ZC3H12B: variants seen among roughly 807,000 people sequenced by gnomAD.
ZC3H12B encodes zinc finger CCCH-type containing 12B.
A neutral mutation model predicts 43.9 loss-of-function variants in ZC3H12B; 7 were observed. That is an observed-to-expected ratio of 0.16 (90% CI 0.09 to 0.30). The LOEUF (loss-of-function observed/expected upper bound fraction) is 0.30, where lower values mean the gene tolerates loss of function less well. Ranked by LOEUF, ZC3H12B falls within the 10% of genes least tolerant of loss-of-function variation. The pLI is 1.00. For synonymous variants in ZC3H12B, 222 were observed against 241.7 expected (o/e 0.92, Z 0.76); for missense variants, 475 against 670.2 (o/e 0.71, Z 3.22).
At chrX:65,378,758 T>G (rs1404386780) in intron 2 of ZC3H12B, among the ~76,000 whole-genome samples, 3 of 112,601 alleles carry the variant, frequency 2.7e-5, no homozygotes, top group African/African-American at 9.7e-5. Context: ...ATGCACCGTG[T>G]GCCTGCCAAA....
At chrX:65,169,735 A>G in the ZC3H12B span, among the ~76,000 whole-genome samples, 1 of 112,159 alleles carries the variant, frequency 8.9e-6, no homozygotes, top group Non-Finnish European at 1.9e-5. Context: ...GGGTGCATAT[A>G]TATTAAGCAT....
intron 3 of ZC3H12B, among the ~76,000 whole-genome samples, chrX:65,452,738 G>A (rs1206126563): frequency 1.8e-5 from 2 of 110,054 alleles, no homozygotes; most frequent in South Asian, 4.0e-4. Flanking sequence ...CTGCTCGGGA[G>A]GCTGAGGCAG....
intron 3 of ZC3H12B, among the ~76,000 whole-genome samples, chrX:65,450,486 TAC>T (rs1307701728): frequency 0.062 from 5 of 80 alleles, 1 homozygote; most frequent in Admixed American, 0.5. Flanking sequence ...TGTATATGTA[TAC>T]ATATGTGTAT....
the ZC3H12B span, among the ~76,000 whole-genome samples, chrX:65,218,480 T>TG: frequency 2.7e-5 from 3 of 111,195 alleles, no homozygotes; most frequent in Non-Finnish European, 5.7e-5. Context: ...TGGGGTAGGG[T>TG]GGGAGTGAGA....
the ZC3H12B span, among the ~76,000 whole-genome samples, chrX:65,041,016 G>C: frequency 8.9e-6 from 1 of 112,249 alleles, no homozygotes; most frequent in Non-Finnish European, 1.9e-5. Flanking sequence ...GAGCTCAAGT[G>C]ATCCGCCCAC....
chrX:65,303,873 G>T, the ZC3H12B span, among the ~76,000 whole-genome samples: 10 of 112,430 alleles, frequency 8.9e-5, no homozygotes, highest in Admixed American at 9.4e-4. Flanking sequence ...GTGAAACATT[G>T]CTGACAGTAA....
At chrX:65,066,198 T>G in the ZC3H12B span, among the ~76,000 whole-genome samples, 1 of 110,844 alleles carries the variant, frequency 9.0e-6, no homozygotes, top group Non-Finnish European at 1.9e-5. Flanking sequence ...CAAGGAGTTG[T>G]GACCCTTTGG....
At chrX:65,316,954 C>A in the ZC3H12B span, among the ~76,000 whole-genome samples, 4 of 111,594 alleles carry the variant, frequency 3.6e-5, no homozygotes, top group South Asian at 1.5e-3. Context: ...GGAGAAAAAT[C>A]TACAGAGCAA....
chrX:65,460,096 C>T (rs143954833), intron 3 of ZC3H12B, among the ~76,000 whole-genome samples: 2 of 111,701 alleles, frequency 1.8e-5, no homozygotes, highest in African/African-American at 6.5e-5. Context: ...CATGAGTGAA[C>T]TCCCATTCAT....
chrX:65,247,307 G>A, the ZC3H12B span, among the ~76,000 whole-genome samples: 2 of 112,166 alleles, frequency 1.8e-5, no homozygotes. Flanking sequence ...AATTAGTTCT[G>A]CAATTCTGGA....
At chrX:65,422,171 C>A (rs952465312) in intron 3 of ZC3H12B, among the ~76,000 whole-genome samples, 7 of 111,155 alleles carry the variant, frequency 6.3e-5, no homozygotes, top group Non-Finnish European at 1.1e-4. Context: ...ATACGGTGCT[C>A]TTTCTCCCAT....
At chrX:65,492,781 T>C (rs2068223039) in intron 1 of ZC3H12B, among the ~76,000 whole-genome samples, 1 of 111,985 alleles carries the variant, frequency 8.9e-6, no homozygotes, top group South Asian at 3.7e-4. Context: ...CTGTTGTTTC[T>C]CAGCCTGTTG....
intron 3 of ZC3H12B, among the ~76,000 whole-genome samples, chrX:65,448,294 G>A (rs1468928463): frequency 9.0e-6 from 1 of 111,491 alleles, no homozygotes; most frequent in Non-Finnish European, 1.9e-5. Flanking sequence ...ACTGCTGGTA[G>A]AAATGCAAAT....
the ZC3H12B span, among the ~76,000 whole-genome samples, chrX:65,212,582 A>T: frequency 3.3e-4 from 27 of 80,834 alleles, no homozygotes; most frequent in Admixed American, 4.6e-3. Context: ...ATTATACAGT[A>T]TATATTATAT....
chrX:65,311,627 A>C, the ZC3H12B span, among the ~76,000 whole-genome samples: 2 of 111,946 alleles, frequency 1.8e-5, no homozygotes, highest in South Asian at 7.5e-4. Flanking sequence ...CATTTGACCC[A>C]GCGATCCCAT....
chrX:65,394,886 T>A (rs1307948530), intron 2 of ZC3H12B, among the ~76,000 whole-genome samples: 1 of 111,931 alleles, frequency 8.9e-6, no homozygotes, highest in Non-Finnish European at 1.9e-5. Context: ...CCTTGGGCAG[T>A]GGCTTGTAGT....
At chrX:65,113,554 A>T in the ZC3H12B span, among the ~76,000 whole-genome samples, 2 of 101,815 alleles carry the variant, frequency 2.0e-5, no homozygotes, top group Admixed American at 2.0e-4. Flanking sequence ...AGAGAATGAG[A>T]CCTTGTTTTA....
At chrX:65,314,559 C>T in the ZC3H12B span, among the ~76,000 whole-genome samples, 1 of 112,000 alleles carries the variant, frequency 8.9e-6, no homozygotes, top group Admixed American at 9.5e-5. Flanking sequence ...AGAAAATATT[C>T]TTCAGGAATG....
chrX:65,169,712 G>T, the ZC3H12B span, among the ~76,000 whole-genome samples: 1 of 111,860 alleles, frequency 8.9e-6, no homozygotes, highest in Non-Finnish European at 1.9e-5. Flanking sequence ...ATGAATCTGG[G>T]TGTTCCTGTA....
Sources: gnomAD v4.1 joint callset for allele counts (sites outside exome capture counted in the v4.1 genomes callset) on GRCh38, gnomAD v4.1.1 for gene constraint, MANE v1.5 for transcripts, NCBI Gene and HGNC (gene_info 2026-07-23, HGNC 2026-07-21) for gene names.